CDKAL1: variants seen among roughly 807,000 people sequenced by gnomAD.
The protein encoded by CDKAL1 is threonylcarbamoyladenosine tRNA methylthiotransferase.
A neutral mutation model predicts 68.2 loss-of-function variants in CDKAL1; 32 were observed. That is an observed-to-expected ratio of 0.47 (90% CI 0.35 to 0.63). The LOEUF is 0.63. Ranked by LOEUF, CDKAL1 falls within the 30% of genes least tolerant of loss-of-function variation. CDKAL1 has a pLI of 0.00. For missense variants in CDKAL1, 606 were observed against 696.7 expected, an observed-to-expected ratio of 0.87 and a Z score of 1.47; for synonymous variants, 234 against 244.3, an observed-to-expected ratio of 0.96 and a Z score of 0.39.
intron 5 of CDKAL1, among the ~76,000 whole-genome samples, chr6:20,709,994 T>C (rs1050256410): frequency 1.3e-5 from 2 of 152,184 alleles, no homozygotes; most frequent in African/African-American, 4.8e-5. Flanking sequence ...GTGAAATGGA[T>C]GTTGGAATCA....
At chr6:20,689,026 G>C (rs1370857640) in intron 5 of CDKAL1, among the ~76,000 whole-genome samples, 1 of 152,210 alleles carries the variant, frequency 6.6e-6, no homozygotes, top group Non-Finnish European at 1.5e-5. Context: ...CTTGGCTGGA[G>C]CTGGGCATTT....
chr6:20,945,884 T>G (rs1764214082), intron 9 of CDKAL1, among the ~76,000 whole-genome samples: 1 of 152,168 alleles, frequency 6.6e-6, no homozygotes, highest in Admixed American at 6.5e-5. Context: ...CCCCTCCAAA[T>G]AAAGAATGAA....
chr6:21,043,394 A>G (rs188001306), intron 11 of CDKAL1, among the ~76,000 whole-genome samples: 2 of 152,190 alleles, frequency 1.3e-5, no homozygotes, highest in Non-Finnish European at 1.5e-5. Flanking sequence ...AGGGGGATCT[A>G]CATGAACATT....
At chr6:20,928,926 C>T (rs1443375253) in intron 9 of CDKAL1, among the ~76,000 whole-genome samples, 2 of 152,138 alleles carry the variant, frequency 1.3e-5, no homozygotes, top group Non-Finnish European at 2.9e-5. Context: ...ACTCAAAATA[C>T]TTACGAAGTC....
At chr6:20,585,214 G>T (rs1321739521) in intron 4 of CDKAL1, among the ~76,000 whole-genome samples, 1 of 151,930 alleles carries the variant, frequency 6.6e-6, no homozygotes, top group East Asian at 1.9e-4. Flanking sequence ...CCACCACCAT[G>T]CTAATTTTTT....
intron 13 of CDKAL1, among the ~76,000 whole-genome samples, chr6:21,168,754 G>A (rs184565650): frequency 2.6e-4 from 39 of 152,208 alleles, no homozygotes; most frequent in Non-Finnish European, 4.3e-4. Flanking sequence ...TTTCTTTTAG[G>A]TAATGTATTT....
At chr6:20,897,494 C>T (rs1761755813) in intron 9 of CDKAL1, among the ~76,000 whole-genome samples, 1 of 152,090 alleles carries the variant, frequency 6.6e-6, no homozygotes, top group Admixed American at 6.6e-5. Context: ...ATCTAGTGGG[C>T]AGCCAGATGC....
At chr6:20,871,262 C>A (rs1484439316) in intron 9 of CDKAL1, among the ~76,000 whole-genome samples, 2 of 152,088 alleles carry the variant, frequency 1.3e-5, no homozygotes, top group East Asian at 3.9e-4. Flanking sequence ...TATCAATAAG[C>A]TGAATAAGAT....
chr6:21,178,281 G>A (rs991494892), intron 13 of CDKAL1, among the ~76,000 whole-genome samples: 6 of 152,068 alleles, frequency 3.9e-5, no homozygotes, highest in Non-Finnish European at 8.8e-5. Flanking sequence ...CTATATGATG[G>A]GGGTTACATA....
At chr6:20,578,250 A>C (rs1027897896) in intron 4 of CDKAL1, among the ~76,000 whole-genome samples, 1 of 152,132 alleles carries the variant, frequency 6.6e-6, no homozygotes, top group African/African-American at 2.4e-5. Context: ...TTTTTTTCCC[A>C]TTTATGCACC....
At chr6:20,984,672 T>TCTC (rs1377994765) in intron 10 of CDKAL1, among the ~76,000 whole-genome samples, 1 of 125,244 alleles carries the variant, frequency 8.0e-6, no homozygotes, top group African/African-American at 4.1e-5. Context: ...GGGAAGGTAA[T>TCTC]CTCCTCTCCG....
intron 4 of CDKAL1, among the ~76,000 whole-genome samples, chr6:20,578,812 T>C (rs1294147528): frequency 1.3e-5 from 2 of 152,206 alleles, no homozygotes; most frequent in African/African-American, 4.8e-5. Context: ...TCTTGTGATA[T>C]AAAATTCTGA....
intron 13 of CDKAL1, among the ~76,000 whole-genome samples, chr6:21,168,065 A>G (rs527943094): frequency 6.6e-6 from 1 of 152,372 alleles, no homozygotes; most frequent in South Asian, 2.1e-4. Context: ...GATATCCTGC[A>G]TGTAGTCAAA....
At chr6:20,946,593 CTTTTTTTTTTT>C (rs11361870) in intron 9 of CDKAL1, among the ~76,000 whole-genome samples, 1 of 91,234 alleles carries the variant, frequency 1.1e-5, no homozygotes, top group Non-Finnish European at 2.2e-5. Flanking sequence ...CAATCCATAC[CTTTTTTTTTTT>C]TTTTTTTTTT....
At chr6:20,591,944 C>T (rs1765609614) in intron 4 of CDKAL1, among the ~76,000 whole-genome samples, 1 of 152,138 alleles carries the variant, frequency 6.6e-6, no homozygotes, top group Non-Finnish European at 1.5e-5. Flanking sequence ...AGCATTGAAT[C>T]TATAAATTAC....
intron 4 of CDKAL1, among the ~76,000 whole-genome samples, chr6:20,584,913 C>T (rs971102410): frequency 3.9e-5 from 6 of 152,318 alleles, no homozygotes; most frequent in South Asian, 2.1e-4. Context: ...AGCTCCGTTA[C>T]TTGTATACTC....
At chr6:21,040,779 G>T (rs1769877942) in intron 11 of CDKAL1, among the ~76,000 whole-genome samples, 1 of 152,102 alleles carries the variant, frequency 6.6e-6, no homozygotes, top group Non-Finnish European at 1.5e-5. Flanking sequence ...CCTAAAATTA[G>T]TGTACAGAAA....
At chr6:21,130,350 G>A (rs1213129755) in intron 13 of CDKAL1, among the ~76,000 whole-genome samples, 2 of 150,062 alleles carry the variant, frequency 1.3e-5, no homozygotes, top group Non-Finnish European at 3.0e-5. Flanking sequence ...TCAGCCTCCC[G>A]AGTAGCTGGG....
chr6:21,119,795 T>G (rs531321118), intron 13 of CDKAL1, among the ~76,000 whole-genome samples: 32 of 152,272 alleles, frequency 2.1e-4, no homozygotes, highest in African/African-American at 7.7e-4. Context: ...GGTACCTGTT[T>G]CCCTTCTATT....
Sources: gnomAD v4.1 joint callset for allele counts (sites outside exome capture counted in the v4.1 genomes callset) on GRCh38, gnomAD v4.1.1 for gene constraint, MANE v1.5 for transcripts, NCBI Gene and HGNC (gene_info 2026-07-23, HGNC 2026-07-21) for gene names.